Variants in TBC1D19 observed in about 807,000 individuals in gnomAD.
The protein encoded by TBC1D19 is TBC1 domain family member 19.
Under a neutral mutation model 89.0 loss-of-function variants are expected in TBC1D19, and 60 were observed. The ratio of observed to expected loss-of-function variants is 0.67; its 90% CI spans 0.55 to 0.84. TBC1D19 has a LOEUF of 0.84. Among genes scored for constraint, TBC1D19 ranks in the 40% least tolerant of loss-of-function variants. TBC1D19 has a pLI of 0.00. For missense variants in TBC1D19, 500 were observed against 610.8 expected, an observed-to-expected ratio of 0.82 and a Z score of 1.91; for synonymous variants, 189 against 199.7, an observed-to-expected ratio of 0.95 and a Z score of 0.45.
At chr4:26,816,499 C>G in the TBC1D19 span, among the ~76,000 whole-genome samples, 1 of 152,044 alleles carries the variant, frequency 6.6e-6, no homozygotes, top group Non-Finnish European at 1.5e-5. Context: ...CATATAAATT[C>G]CAAAGGGGGA....
chr4:26,602,092 A>G (rs1448131333), intron 1 of TBC1D19, among the ~76,000 whole-genome samples: 1 of 152,226 alleles, frequency 6.6e-6, no homozygotes, highest in Non-Finnish European at 1.5e-5. Context: ...TGTAGTTTGT[A>G]GGTTGAAATC....
downstream of TBC1D19, among the ~76,000 whole-genome samples, chr4:26,761,068 T>C (rs188865102): frequency 1.3e-5 from 2 of 152,372 alleles, no homozygotes; most frequent in East Asian, 3.8e-4. Flanking sequence ...TGAATTTTTG[T>C]CTAACCTAAT....
chr4:26,843,417 G>A, the TBC1D19 span, among the ~76,000 whole-genome samples: 1 of 151,930 alleles, frequency 6.6e-6, no homozygotes, highest in East Asian at 1.9e-4. Context: ...CAGAGGTTGG[G>A]ATTCAACATC....
chr4:26,682,389 C>T (rs925323166), intron 11 of TBC1D19, among the ~76,000 whole-genome samples: 1 of 152,154 alleles, frequency 6.6e-6, no homozygotes, highest in Non-Finnish European at 1.5e-5. Flanking sequence ...CATCATTAGG[C>T]AAAGAGCACT....
the TBC1D19 span, among the ~76,000 whole-genome samples, chr4:26,844,669 T>C: frequency 1.3e-5 from 2 of 152,248 alleles, no homozygotes. Context: ...TGCAGCCAGC[T>C]GTGTTTTATG....
intron 7 of TBC1D19, among the ~76,000 whole-genome samples, chr4:26,641,850 G>A (rs1178949205): frequency 2.6e-5 from 4 of 152,116 alleles, no homozygotes; most frequent in African/African-American, 9.7e-5. Flanking sequence ...TCAAATGAAT[G>A]AAATGAAGTG....
chr4:26,836,482 C>G, the TBC1D19 span, among the ~76,000 whole-genome samples: 111 of 152,300 alleles, frequency 7.3e-4, no homozygotes, highest in South Asian at 7.0e-3. Flanking sequence ...GTACTGGGCC[C>G]TTGTCCAGCT....
intron 7 of TBC1D19, among the ~76,000 whole-genome samples, chr4:26,656,948 C>T (rs1194288916): frequency 2.7e-5 from 2 of 74,520 alleles, no homozygotes; most frequent in Admixed American, 1.3e-4. Flanking sequence ...AGAGGAGATG[C>T]CCTGCAATCT....
intron 13 of TBC1D19, among the ~76,000 whole-genome samples, chr4:26,710,024 A>T (rs1040262241): frequency 6.6e-6 from 1 of 151,164 alleles, no homozygotes; most frequent in African/African-American, 2.4e-5. Context: ...ATCAGGGCAG[A>T]GTGTTTTTTT....
intron 18 of TBC1D19, among the ~76,000 whole-genome samples, chr4:26,744,616 T>C (rs917747297): frequency 6.6e-6 from 1 of 152,104 alleles, no homozygotes; most frequent in Admixed American, 6.5e-5. Context: ...TAATTTATCC[T>C]GTGGTTTCCT....
chr4:26,827,392 G>C, the TBC1D19 span, among the ~76,000 whole-genome samples: 19 of 152,276 alleles, frequency 1.2e-4, no homozygotes, highest in African/African-American at 4.6e-4. Flanking sequence ...ATCACTTGAG[G>C]CCAGGAGTTC....
chr4:26,846,506 C>T, the TBC1D19 span, among the ~76,000 whole-genome samples: 3 of 152,112 alleles, frequency 2.0e-5, no homozygotes, highest in African/African-American at 7.2e-5. Flanking sequence ...CTCCCATTGT[C>T]AAATGGATTG....
At chr4:26,799,706 A>T in the TBC1D19 span, among the ~76,000 whole-genome samples, 2 of 152,320 alleles carry the variant, frequency 1.3e-5, no homozygotes, top group East Asian at 3.9e-4. Flanking sequence ...TCTATGAGGA[A>T]TAGGCCCTCA....
chr4:26,693,636 A>C (rs938498118), intron 13 of TBC1D19, among the ~76,000 whole-genome samples: 4 of 151,882 alleles, frequency 2.6e-5, no homozygotes, highest in South Asian at 2.1e-4. Context: ...TCAAGGCTGC[A>C]GTGAGCTGTG....
intron 15 of TBC1D19, among the ~76,000 whole-genome samples, chr4:26,732,923 G>A (rs191102588): frequency 2.4e-4 from 37 of 152,310 alleles, no homozygotes; most frequent in African/African-American, 8.4e-4. Flanking sequence ...CATCAGCCTC[G>A]TAGTGAGGAG....
At chr4:26,740,822 C>T in intron 17 of TBC1D19, 1 of 985,362 alleles carries the variant, frequency 1.0e-6, no homozygotes, top group South Asian at 4.7e-5. Context: ...AATAGCTGTT[C>T]TTTATCCCCC....
the TBC1D19 span, among the ~76,000 whole-genome samples, chr4:26,827,960 A>G: frequency 6.6e-6 from 1 of 152,112 alleles, no homozygotes; most frequent in Admixed American, 6.5e-5. Flanking sequence ...AATAGCTTTG[A>G]AATGGTTCCT....
In TBC1D19 at chr4:26,747,283, G is replaced by A. The variant is rs545141959; in HGVS notation, c.1320-1128G>A. 9.2e-5 allele frequency among the ~76,000 whole-genome samples: 14 copies of A among 152,276 alleles called. No homozygotes were observed. The South Asian group carries it at 1.5e-3, about 16-fold the overall frequency. ...GAATTTGAGTAAAATGAAGCAAGCT[G>A]AAGTTAATAATTTTGACTTTAAATT... On this transcript the variant is annotated intron_variant, in intron 18 of 20. Coordinates refer to ENST00000264866, the MANE Select transcript of TBC1D19 (RefSeq NM_018317.4).
chr4:26,747,781 C>T (rs1393669219), intron 18 of TBC1D19, among the ~76,000 whole-genome samples: 1 of 152,158 alleles, frequency 6.6e-6, no homozygotes, highest in Non-Finnish European at 1.5e-5. Context: ...TCTCATACAT[C>T]TTAGAATTGT....
Sources: allele counts gnomAD v4.1 joint callset (sites outside exome capture counted in the v4.1 genomes callset), GRCh38; gene constraint gnomAD v4.1.1; transcripts MANE v1.5; gene names NCBI Gene and HGNC (gene_info 2026-07-23, HGNC 2026-07-21).